CTNNA2: variants seen among roughly 807,000 people sequenced by gnomAD.
CTNNA2 encodes the protein catenin alpha-2.
Under a neutral mutation model 101.0 loss-of-function variants are expected in CTNNA2, and 42 were observed. That is an observed-to-expected ratio of 0.42 (90% confidence interval 0.32 to 0.54). The LOEUF is 0.54. CTNNA2 is among the 20% of genes least tolerant of loss of function. The pLI is 0.14. For synonymous variants in CTNNA2, 450 were observed against 456.4 expected, an observed-to-expected ratio of 0.99 and a Z score of 0.18; for missense variants, 871 against 1,223.1, an observed-to-expected ratio of 0.71 and a Z score of 4.29.
intron 9 of CTNNA2, among the ~76,000 whole-genome samples, chr2:80,495,829 A>G (rs1378172997): frequency 6.6e-6 from 1 of 150,828 alleles, no homozygotes; most frequent in African/African-American, 2.4e-5. Context: ...AATCCCGGCT[A>G]CTTGGGAGGC....
At chr2:79,816,215 C>G (rs13417018) in intron 3 of CTNNA2, among the ~76,000 whole-genome samples, 34,151 of 151,934 alleles carry the variant, frequency 0.22, 3,987 homozygotes, top group East Asian at 0.32. Flanking sequence ...GACAGTATGA[C>G]TTCCTCTTTA....
intron 2 of CTNNA2, among the ~76,000 whole-genome samples, chr2:79,280,015 G>A (rs114652902): frequency 0.01 from 1,541 of 152,036 alleles, 17 homozygotes; most frequent in African/African-American, 0.034. Context: ...TTAATATTTC[G>A]CAAACTTATT....
At chr2:79,693,365 G>C (rs941656794) in intron 2 of CTNNA2, among the ~76,000 whole-genome samples, 7 of 151,916 alleles carry the variant, frequency 4.6e-5, no homozygotes, top group African/African-American at 1.7e-4. Flanking sequence ...AAGCATTTGA[G>C]AATTGATGTT....
chr2:80,460,343 A>G (rs1392416105), intron 9 of CTNNA2, among the ~76,000 whole-genome samples: 4 of 152,110 alleles, frequency 2.6e-5, no homozygotes, highest in Non-Finnish European at 4.4e-5. Context: ...AAGCATGCCT[A>G]TATCTTGTTC....
intron 7 of CTNNA2, among the ~76,000 whole-genome samples, chr2:80,094,815 T>G (rs1050490744): frequency 8.6e-5 from 13 of 151,732 alleles, no homozygotes; most frequent in South Asian, 2.1e-4. Context: ...TTTGTCTGTT[T>G]TTGGTGTATA....
At chr2:80,378,228 C>T (rs537488103) in intron 7 of CTNNA2, among the ~76,000 whole-genome samples, 6 of 152,046 alleles carry the variant, frequency 3.9e-5, no homozygotes, top group South Asian at 2.1e-4. Context: ...CATGGTGGCG[C>T]GCCTTTAATC....
chr2:80,553,663 C>T (rs1692778274), intron 11 of CTNNA2, among the ~76,000 whole-genome samples: 1 of 152,126 alleles, frequency 6.6e-6, no homozygotes, highest in Non-Finnish European at 1.5e-5. Flanking sequence ...TACTGTTATA[C>T]AAAGAAAATA....
intron 7 of CTNNA2, among the ~76,000 whole-genome samples, chr2:80,131,303 C>T (rs1456956196): frequency 1.3e-5 from 2 of 152,138 alleles, no homozygotes; most frequent in Non-Finnish European, 2.9e-5. Flanking sequence ...AAGTGATCTG[C>T]CCGCCTTGGC....
chr2:79,962,899 G>A lies in CTNNA2; in HGVS notation c.1056+53102G>A, dbSNP rs551746201. 8.9e-4 allele frequency among the ~76,000 whole-genome samples: 135 copies of A among 152,014 alleles called. 1 individual carries two copies. The Middle Eastern group carries it at 0.02, about 23-fold the overall frequency. ...ATCCTGGGTAACATGGTGAAACCCC[G>A]TCTCTACTAAAAATATAAAAAATTA... On this transcript the variant is annotated intron_variant, in intron 7 of 18. Transcript: ENST00000402739.
intron 7 of CTNNA2, among the ~76,000 whole-genome samples, chr2:79,936,698 A>G (rs1485198338): frequency 6.6e-6 from 1 of 152,112 alleles, no homozygotes; most frequent in African/African-American, 2.4e-5. Flanking sequence ...TTGCCTCATT[A>G]TATTAGAGAA....
In CTNNA2 at chr2:79,568,200, A is replaced by C. The variant is rs533119550; in HGVS notation, c.-6+54993A>C. 2.6e-5 allele frequency among the ~76,000 whole-genome samples: 4 copies of C among 152,290 alleles called. No individual in the cohort carries two copies. The East Asian group carries it at 5.8e-4, about 22-fold the overall frequency. On this transcript the variant is annotated intron_variant, in intron 1 of 18. Coordinates refer to ENST00000402739, the MANE Select transcript of CTNNA2 (RefSeq NM_001282597.3). Reference sequence around the variant, plus strand: ...AAGTGCTAAATAAATATTATTTCAGAGTTATTCTTATTATGTAAATTTATA... The same window carrying C: ...AAGTGCTAAATAAATATTATTTCAGCGTTATTCTTATTATGTAAATTTATA...
intron 3 of CTNNA2, among the ~76,000 whole-genome samples, chr2:79,363,719 G>T (rs952356127): frequency 6.6e-6 from 1 of 152,132 alleles, no homozygotes; most frequent in Non-Finnish European, 1.5e-5. Context: ...TAGGGCCAAG[G>T]TCCCTAGATT....
At chr2:80,596,924 G>A (rs1315400610) in intron 15 of CTNNA2, among the ~76,000 whole-genome samples, 1 of 152,164 alleles carries the variant, frequency 6.6e-6, no homozygotes, top group Non-Finnish European at 1.5e-5. Flanking sequence ...ATGAAGTGAT[G>A]TTGAATTTTA....
intron 7 of CTNNA2, among the ~76,000 whole-genome samples, chr2:80,287,935 C>G (rs1674912231): frequency 6.6e-6 from 1 of 152,200 alleles, no homozygotes; most frequent in African/African-American, 2.4e-5. Flanking sequence ...AGTGCTTCAT[C>G]TTATTTGCGA....
chr2:79,600,945 G>C (rs1402229884), intron 1 of CTNNA2, among the ~76,000 whole-genome samples: 1 of 152,012 alleles, frequency 6.6e-6, no homozygotes, highest in Non-Finnish European at 1.5e-5. Context: ...GTTTCTCAAA[G>C]GCCACACCTC....
chr2:80,647,490 A>T (rs1674234882), intron 18 of CTNNA2, 95 bp from the exon 19 acceptor site: 1 of 1,116,668 alleles, frequency 9.0e-7, no homozygotes, highest in African/African-American at 1.6e-5. Flanking sequence ...TATTTGCACA[A>T]GGAAAACATT....
chr2:80,263,480 A>T (rs1672770721), intron 7 of CTNNA2, among the ~76,000 whole-genome samples: 1 of 152,068 alleles, frequency 6.6e-6, no homozygotes, highest in Non-Finnish European at 1.5e-5. Flanking sequence ...GATTACAGGC[A>T]CGTGCCACCA....
chr2:80,615,633 G>A (rs895300337), intron 17 of CTNNA2, among the ~76,000 whole-genome samples: 5 of 151,412 alleles, frequency 3.3e-5, no homozygotes, highest in East Asian at 2.0e-4. Flanking sequence ...CTGTGCATTC[G>A]TTGTTTTCTT....
intron 7 of CTNNA2, among the ~76,000 whole-genome samples, chr2:80,370,976 G>A (rs1036469553): frequency 3.3e-5 from 5 of 152,116 alleles, no homozygotes; most frequent in African/African-American, 9.7e-5. Context: ...AAGTATGATT[G>A]AGCAAAAACG....
Sources: allele counts gnomAD v4.1 joint callset (sites outside exome capture counted in the v4.1 genomes callset), GRCh38; gene constraint gnomAD v4.1.1; transcripts MANE v1.5; gene names NCBI Gene and HGNC (gene_info 2026-07-23, HGNC 2026-07-21).